Variants in BANK1 observed in about 807,000 individuals in gnomAD.
BANK1 encodes B cell scaffold protein with ankyrin repeats 1, also known as B-cell scaffold protein with ankyrin repeats.
BANK1 carries 95 observed loss-of-function variants against 94.5 expected under a neutral mutation model. The observed-to-expected ratio is 1.00, with a 90% CI of 0.85 to 1.19. The LOEUF (loss-of-function observed/expected upper bound fraction) is 1.19. BANK1 is among the 50% of genes most tolerant of loss of function. BANK1 has a pLI of 0.00. For synonymous variants in BANK1, 334 were observed against 308.4 expected (o/e 1.08, Z -0.87); for missense variants, 987 against 932.2 (o/e 1.06, Z -0.77).
At chr4:101,842,569 G>A (rs575010102) in intron 2 of BANK1, among the ~76,000 whole-genome samples, 1 of 152,074 alleles carries the variant, frequency 6.6e-6, no homozygotes, top group Non-Finnish European at 1.5e-5. Context: ...CTATACTCTT[G>A]GACAAATTTT....
Position 101,824,666 on chromosome 4 carries a change from A to AT in BANK1, c.71-5129dup, listed in dbSNP as rs77304856. On this transcript the variant is annotated intron_variant, in intron 1 of 16. Coordinates refer to ENST00000322953, the MANE Select transcript of BANK1 (RefSeq NM_017935.5). The stretch of plus-strand genomic sequence containing the variant: ...GCTGAATCCATTATGGCTGTAACTC[A>AT]TTTTTTTTTTTTTGTAATTTTTGGC... Among the ~76,000 whole-genome samples the AT allele has an allele frequency of 8.5e-3, 1,215 of 142,696 alleles. 16 individuals carry two copies. Among genetic ancestry groups the AT allele is most frequent in the East Asian group, 0.036 (180 of 4,962 alleles). The allele number at this position is 142,696 out of a possible 152,430, so 93.6% of individuals were successfully genotyped here.
intron 6 of BANK1, among the ~76,000 whole-genome samples, chr4:101,908,286 A>C (rs1268220797): frequency 6.6e-6 from 1 of 152,210 alleles, no homozygotes; most frequent in East Asian, 1.9e-4. Context: ...GACAAACCTG[A>C]CAAAAACAAG....
intron 2 of BANK1, among the ~76,000 whole-genome samples, chr4:101,853,287 G>A (rs1030033044): frequency 6.6e-6 from 1 of 152,084 alleles, no homozygotes; most frequent in African/African-American, 2.4e-5. Context: ...CCCTCTCAAG[G>A]GAGGCTCTCT....
At chr4:101,817,986 T>C (rs59947351) in intron 1 of BANK1, among the ~76,000 whole-genome samples, 200 of 152,316 alleles carry the variant, frequency 1.3e-3, no homozygotes, top group African/African-American at 4.5e-3. Context: ...GGATGATATT[T>C]CAGGTTCCTG....
Position 101,964,378 on chromosome 4 carries a change from C to A in BANK1, c.1206+46189C>A, listed in dbSNP as rs557344686. Among the ~76,000 whole-genome samples, 3 of 152,042 alleles carry A rather than the reference C, an allele frequency of 2.0e-5. No individual in the cohort carries two copies. The South Asian group carries it at 6.2e-4, about 32-fold the overall frequency. On this transcript the variant is annotated intron_variant, in intron 7 of 16. Coordinates refer to ENST00000322953, the MANE Select transcript of BANK1 (RefSeq NM_017935.5). Reference sequence around the variant, plus strand: ...CTAAACATGCACCATCCCACAGCCCCACAGAAACAACAGAATTCTGAAAAA... The same window carrying A: ...CTAAACATGCACCATCCCACAGCCCAACAGAAACAACAGAATTCTGAAAAA...
intron 7 of BANK1, among the ~76,000 whole-genome samples, chr4:101,924,824 A>C (rs905494682): frequency 1.3e-5 from 2 of 151,748 alleles, no homozygotes; most frequent in African/African-American, 4.8e-5. Context: ...TATATTCATC[A>C]CTCAGGTTTT....
At chr4:101,833,958 T>A (rs1726723783) in intron 2 of BANK1, among the ~76,000 whole-genome samples, 1 of 152,180 alleles carries the variant, frequency 6.6e-6, no homozygotes, top group Non-Finnish European at 1.5e-5. Context: ...TTTTTTTAAA[T>A]CACAGTAAAG....
chr4:102,001,553 T>C (rs1351239643), intron 7 of BANK1, among the ~76,000 whole-genome samples: 1 of 152,158 alleles, frequency 6.6e-6, no homozygotes, highest in African/African-American at 2.4e-5. Context: ...TGAGCCGAGA[T>C]TGTGCCACTG....
intron 1 of BANK1, among the ~76,000 whole-genome samples, chr4:101,821,937 A>G (rs1726168592): frequency 6.6e-6 from 1 of 152,196 alleles, no homozygotes; most frequent in South Asian, 2.1e-4. Context: ...CAATCAAGGT[A>G]GGCATGGGAG....
At chr4:101,875,437 T>A (rs1191480114) in intron 5 of BANK1, among the ~76,000 whole-genome samples, 4 of 152,024 alleles carry the variant, frequency 2.6e-5, no homozygotes, top group Non-Finnish European at 4.4e-5. Flanking sequence ...CTCAGGAAAC[T>A]TACAATCATG....
chr4:101,984,731 T>C (rs767904313), intron 7 of BANK1, among the ~76,000 whole-genome samples: 7 of 152,060 alleles, frequency 4.6e-5, no homozygotes, highest in Admixed American at 1.3e-4. Flanking sequence ...CCATCTTCAT[T>C]CTCAGAGACC....
intron 8 of BANK1, among the ~76,000 whole-genome samples, chr4:102,022,074 G>GTA (rs1486378430): frequency 2.6e-5 from 4 of 151,744 alleles, no homozygotes; most frequent in African/African-American, 4.8e-5. Context: ...GTATATAAAT[G>GTA]TATATATATA....
chr4:101,800,727 C>T (rs956470237), intron 1 of BANK1, among the ~76,000 whole-genome samples: 3 of 152,122 alleles, frequency 2.0e-5, no homozygotes, highest in Admixed American at 1.3e-4. Flanking sequence ...TCTTGTTACA[C>T]GTTACTTGTT....
chr4:101,886,760 T>G (rs1578378763), intron 5 of BANK1, among the ~76,000 whole-genome samples: 1 of 82,764 alleles, frequency 1.2e-5, no homozygotes, highest in African/African-American at 6.6e-5. Flanking sequence ...TAACAATATA[T>G]TGGGGGGGGG....
At chr4:101,956,199 G>A (rs1422618798) in intron 7 of BANK1, among the ~76,000 whole-genome samples, 1 of 151,986 alleles carries the variant, frequency 6.6e-6, no homozygotes, top group East Asian at 1.9e-4. Context: ...TATGTTTTTT[G>A]TCACTGGATT....
intron 13 of BANK1, among the ~76,000 whole-genome samples, chr4:102,067,960 T>C (rs748838835): frequency 6.6e-6 from 1 of 152,068 alleles, no homozygotes; most frequent in East Asian, 1.9e-4. Flanking sequence ...TCTAAAAGAT[T>C]TCAGTCTTTT....
Position 102,049,832 on chromosome 4 carries a change from G to A in BANK1, c.1969+5925G>A, listed in dbSNP as rs576630448. Among the ~76,000 whole-genome samples, 13 of 152,324 alleles carry A rather than the reference G, an allele frequency of 8.5e-5. No homozygotes were observed. In the East Asian group the frequency reaches 1.7e-3, roughly 20 times the overall value. ...GTGGGCGCAAGCATGTGCACTAAGA[G>A]GCAAAATGGTAGGGTTTAACTGGTA... is the stretch of plus-strand genomic sequence containing the variant. On this transcript the variant is annotated intron_variant, in intron 11 of 16. Coordinates refer to ENST00000322953, the MANE Select transcript of BANK1 (RefSeq NM_017935.5).
intron 1 of BANK1, among the ~76,000 whole-genome samples, chr4:101,800,394 C>CT (rs1407423861): frequency 1.3e-5 from 2 of 150,860 alleles, no homozygotes; most frequent in African/African-American, 4.9e-5. Flanking sequence ...TTCCTTTTTT[C>CT]TTTTTTTGTT....
intron 7 of BANK1, among the ~76,000 whole-genome samples, chr4:102,012,324 C>A (rs1726536963): frequency 6.6e-6 from 1 of 152,138 alleles, no homozygotes; most frequent in Non-Finnish European, 1.5e-5. Context: ...ATTTTCCCAC[C>A]ATGTTTTCAC....
Sources: gnomAD v4.1 joint callset for allele counts (sites outside exome capture counted in the v4.1 genomes callset) on GRCh38, gnomAD v4.1.1 for gene constraint, MANE v1.5 for transcripts, NCBI Gene and HGNC (gene_info 2026-07-23, HGNC 2026-07-21) for gene names.